ARHGAP30: variants seen among roughly 807,000 people sequenced by gnomAD.
ARHGAP30 encodes rho GTPase-activating protein 30.
In ARHGAP30, 23 loss-of-function variants were observed where a neutral mutation model predicts 72.0. The observed-to-expected ratio is 0.32, with a 90% confidence interval of 0.23 to 0.45. The LOEUF (loss-of-function observed/expected upper bound fraction) is 0.45, where lower values mean the gene tolerates loss of function less well. Ranked by LOEUF, ARHGAP30 falls within the 20% of genes least tolerant of loss-of-function variation. The pLI is 1.00. For synonymous variants in ARHGAP30, 576 were observed against 528.2 expected (o/e 1.09, Z -1.24); for missense variants, 1,319 against 1,383.4 (o/e 0.95, Z 0.74).
Position 161,048,143 on chromosome 1 carries a change from C to T in ARHGAP30, c.2878G>A (p.Ala960Thr). ...PSAMCSKIHV[A>T]PANPCPRPGR... ...GGCCTCGGGCATGGATTTGCAGGTG[C>T]CACATGAATCTTGCTACACATTGCA... is the stretch of plus-strand genomic sequence containing the variant. The change falls in exon 12 of 12, where the codon GCA becomes ACA. Residue 960 changes from alanine (A) to threonine (T), a missense_variant. By Grantham distance (58) the Ala-to-Thr change is moderately conservative (BLOSUM62 0). Around this residue, in one of 2 missense-constraint regions of ARHGAP30, gnomAD observed 1,097 missense variants for 1,045.2 expected, o/e 1.05. Coordinates refer to ENST00000368013, the MANE Select transcript of ARHGAP30 (RefSeq NM_001025598.2). The T allele has an allele frequency of 6.2e-7, 1 of 1,614,214 alleles. No homozygotes were observed. The highest frequency in any genetic ancestry group is 8.5e-7 in the Non-Finnish European group (1 of 1,180,038).
chr1:161,061,847 G>T (rs1652334554), intron 1 of ARHGAP30, among the ~76,000 whole-genome samples: 1 of 152,138 alleles, frequency 6.6e-6, no homozygotes, highest in Non-Finnish European at 1.5e-5. Flanking sequence ...CAGCACTTTG[G>T]GAGGCCAAAG....
intron 1 of ARHGAP30, among the ~76,000 whole-genome samples, chr1:161,061,640 C>G (rs750218955): frequency 6.6e-6 from 1 of 152,184 alleles, no homozygotes; most frequent in Non-Finnish European, 1.5e-5. Context: ...CAGCTAGAGC[C>G]ATGACTCAAA....
At chr1:161,067,704 T>C (rs1278539022) in intron 1 of ARHGAP30, among the ~76,000 whole-genome samples, 1 of 152,144 alleles carries the variant, frequency 6.6e-6, no homozygotes, top group Non-Finnish European at 1.5e-5. Flanking sequence ...AGGGCTGAGA[T>C]GGAGCAAGGC....
chr1:161,062,646 T>G (rs1652397605), intron 1 of ARHGAP30, among the ~76,000 whole-genome samples: 1 of 151,838 alleles, frequency 6.6e-6, no homozygotes, highest in African/African-American at 2.4e-5. Context: ...GAAGAATTGC[T>G]TGAATCTGGG....
chr1:161,049,652 C>T lies in ARHGAP30; in HGVS notation c.1458G>A (p.Leu486=), dbSNP rs1651200371. 1 of 1,613,844 alleles carries T rather than the reference C, an allele frequency of 6.2e-7. No individual in the cohort carries two copies. The highest frequency in any genetic ancestry group is 8.5e-7 in the Non-Finnish European group (1 of 1,179,926). ...CCAAGTCGTCTGGGCCTGAGTCTGC[C>T]AGGGGACTTGAGGCTGGACTTGCTT... ...KLEASPASSP[L]ADSGPDDLAP... The change falls in exon 11 of 12, where the codon CTG becomes CTA. Residue 486 remains leucine, a synonymous_variant. Coordinates refer to ENST00000368013, the MANE Select transcript of ARHGAP30 (RefSeq NM_001025598.2).
In ARHGAP30 at chr1:161,049,007, T is replaced by G; in HGVS notation, c.2014A>C (p.Arg672=). 6.2e-7 allele frequency: 1 copy of G among 1,613,896 alleles called. No homozygotes were observed. The highest frequency in any genetic ancestry group is 8.5e-7 in the Non-Finnish European group (1 of 1,180,022). Residue 672 remains arginine, a synonymous_variant, in exon 12 of 12, where the codon AGG becomes CGG. Transcript: ENST00000368013. ...QAEPGGRLDI[R]EEAEGSPETK... ...TCTGGACTTCCCTCTGCCTCTTCCC[T>G]GATGTCTAGCCTGCCTCCAGGCTCA...
intron 5 of ARHGAP30, among the ~76,000 whole-genome samples, chr1:161,053,662 A>G (rs1293384045): frequency 1.1e-4 from 16 of 152,184 alleles, no homozygotes; most frequent in African/African-American, 3.9e-4. Context: ...CTAGTTTATA[A>G]TGAATTTTAT....
rs761553038 is a variant in ARHGAP30 at position 161,051,595 on chromosome 1, C to G, written c.1139G>C (p.Gly380Ala). 6.2e-7 allele frequency: 1 copy of G among 1,613,782 alleles called. No individual in the cohort carries two copies. Among genetic ancestry groups the G allele is most frequent in the Non-Finnish European group, 8.5e-7 (1 of 1,180,036 alleles). Residue 380 changes from glycine to alanine, a missense_variant, in exon 10 of 12, where the codon GGT becomes GCT. Physicochemically the swap from Gly to Ala is moderately conservative, Grantham distance 60 (BLOSUM62 0). This residue lies in a region of ARHGAP30 where 1,097 missense variants were observed against 1,045.2 expected (regional missense o/e 1.05). Transcript: ENST00000368013. Reference sequence around the variant, plus strand: ...TGTGCCTGGTTCAGAGTTTGTGCCACCCAGTGCTTCTGCCTCAGGCTCCTG... The same window carrying G: ...TGTGCCTGGTTCAGAGTTTGTGCCAGCCAGTGCTTCTGCCTCAGGCTCCTG... ...GEQEPEAEALGGTNSEPGTPR... is the reference protein window; with the variant it reads ...GEQEPEAEALAGTNSEPGTPR...
At position 161,056,493 on chromosome 1, in the gene ARHGAP30, C is replaced by T. The variant is rs1485615951; in HGVS notation, c.240G>A (p.Arg80=). Residue 80 remains arginine (R), a synonymous_variant, in exon 3 of 12, where the codon CGG becomes CGA. Transcript: ENST00000368013. ...AGTGAATGTCTTGGAGGTAAACATC[C>T]CGACGCAGGTCTGGCTTCCGCTCTG... ...FESERKPDLR[R]DVYLQDIHCV... is the part of the protein sequence containing the mutation. 6.2e-7 allele frequency: 1 copy of T among 1,613,960 alleles called. No homozygotes were observed. The highest frequency in any genetic ancestry group is 2.2e-5 in the East Asian group (1 of 44,888).
At chr1:161,052,590 G>A (rs4396136) in intron 7 of ARHGAP30, 36 bp downstream of exon 7, 1,258,765 of 1,613,750 alleles carry the variant, frequency 0.78, 491,947 homozygotes, top group African/African-American at 0.88. Context: ...CATGAAGGTC[G>A]GTGCAGGGGA....
At chr1:161,057,900 C>A (rs1200602847) in intron 2 of ARHGAP30, among the ~76,000 whole-genome samples, 1 of 152,042 alleles carries the variant, frequency 6.6e-6, no homozygotes, top group Non-Finnish European at 1.5e-5. Flanking sequence ...ACCTGTAATC[C>A]CAGCACTTCT....
chr1:161,063,819 G>A (rs561762824), intron 1 of ARHGAP30, among the ~76,000 whole-genome samples: 71 of 152,244 alleles, frequency 4.7e-4, no homozygotes, highest in Non-Finnish European at 8.4e-4. Flanking sequence ...CCACCGGGGC[G>A]TACCTGTCTC....
In ARHGAP30 at chr1:161,069,791, C is replaced by T; in HGVS notation, c.-167G>A. On this transcript the variant is annotated 5_prime_UTR_variant, in exon 1 of 12. Transcript: ENST00000368013. The surrounding 1 kb of genome is among the most constrained non-coding windows in gnomAD (Gnocchi z 4.9). ...CCTGGGCAACGGGCAGCAGCTCCTG[C>T]CCCTGGGGCCCCGGCCACACGGAAG... 2 of 648,064 alleles carry T rather than the reference C, an allele frequency of 3.1e-6. No homozygotes were observed. The highest frequency in any genetic ancestry group is 5.5e-5 in the East Asian group (2 of 36,314). The allele number at this position is 648,064 out of a possible 1,614,324, so 40.1% of individuals were successfully genotyped here.
At position 161,047,711 on chromosome 1, in the gene ARHGAP30, C is replaced by G. The variant is rs374199320; in HGVS notation, c.*4G>C. On this transcript the variant is annotated 3_prime_UTR_variant, in exon 12 of 12. Coordinates refer to ENST00000368013, the MANE Select transcript of ARHGAP30 (RefSeq NM_001025598.2). ...GTCCCCTTTGCCCAGGGCTGTGGTC[C>G]TAATCACAGTCCTTCACCTTTCCCA... is the stretch of plus-strand genomic sequence containing the variant. 170 of 1,514,844 alleles carry G rather than the reference C, an allele frequency of 1.1e-4. No individual in the cohort carries two copies. Among genetic ancestry groups the G allele is most frequent in the Non-Finnish European group, 1.4e-4 (163 of 1,132,114 alleles). The allele number at this position is 1,514,844 out of a possible 1,614,324, so 93.8% of individuals were successfully genotyped here.
intron 3 of ARHGAP30, among the ~76,000 whole-genome samples, chr1:161,055,905 TAAA>T (rs1434474752): frequency 5.3e-4 from 14 of 26,590 alleles, no homozygotes; most frequent in African/African-American, 1.2e-3. Flanking sequence ...TAAAATAAAA[TAAA>T]ATAAAATAAA....
intron 1 of ARHGAP30, among the ~76,000 whole-genome samples, chr1:161,068,465 A>C (rs768527134): frequency 7.2e-5 from 11 of 152,158 alleles, no homozygotes; most frequent in Non-Finnish European, 1.2e-4. Context: ...GGCTAAGAGC[A>C]GGAAATGATC....
At position 161,048,703 on chromosome 1, in the gene ARHGAP30, G is replaced by A; in HGVS notation, c.2318C>T (p.Ala773Val). The A allele has an allele frequency of 6.2e-7, 1 of 1,613,786 alleles. No individual in the cohort carries two copies. Among genetic ancestry groups the A allele is most frequent in the Non-Finnish European group, 8.5e-7 (1 of 1,179,960 alleles). ...CTCCTCAGCAACTTGATCTTCCTGG[G>A]CCCCTTGCTCTAGGTCCCTTCCAGC... ...VEAGRDLEQG[A>V]QEDQVAEEKW... The change falls in exon 12 of 12, where the codon GCC (alanine) becomes GTC (valine). Residue 773 changes from alanine to valine, a missense_variant. Ala to Val is a moderately conservative substitution (Grantham distance 64). This residue lies in a region of ARHGAP30 where 1,097 missense variants were observed against 1,045.2 expected (regional missense o/e 1.05). Transcript: ENST00000368013.
chr1:161,049,371 C>G, intron 11 of ARHGAP30, 37 bp from the exon 12 acceptor site: 1 of 1,600,866 alleles, frequency 6.2e-7, no homozygotes, highest in Non-Finnish European at 8.5e-7. Context: ...ACCAGGAGGC[C>G]CTGTCCACCC....
intron 1 of ARHGAP30, among the ~76,000 whole-genome samples, chr1:161,061,515 G>A (rs1368870334): frequency 6.8e-6 from 1 of 147,630 alleles, no homozygotes; most frequent in Non-Finnish European, 1.5e-5. Flanking sequence ...CAGACCTTTG[G>A]CAATCAAATA....
Sources: allele counts gnomAD v4.1 joint callset (sites outside exome capture counted in the v4.1 genomes callset), GRCh38; gene constraint gnomAD v4.1.1; regional missense constraint gnomAD v4.1.1; non-coding constraint Gnocchi (gnomAD v3.1); transcripts MANE v1.5; gene names NCBI Gene and HGNC (gene_info 2026-07-23, HGNC 2026-07-21).